The following SCEL variants were observed in gnomAD, a reference collection of about 807,000 sequenced individuals.
SCEL encodes sciellin.
SCEL carries 113 observed loss-of-function variants against 117.6 expected under a neutral mutation model. The ratio of observed to expected loss-of-function variants is 0.96; its 90% CI spans 0.83 to 1.12. The LOEUF (loss-of-function observed/expected upper bound fraction) is 1.12, where lower values mean the gene tolerates loss of function less well. SCEL is among the 50% of genes most tolerant of loss of function. The pLI is 0.00. For synonymous variants in SCEL, 270 were observed against 256.2 expected, an observed-to-expected ratio of 1.05 and a Z score of -0.51; for missense variants, 785 against 810.8, an observed-to-expected ratio of 0.97 and a Z score of 0.39.
chr13:77,546,450 G>A (rs893511364), intron 1 of SCEL, among the ~76,000 whole-genome samples: 2 of 152,156 alleles, frequency 1.3e-5, no homozygotes, highest in East Asian at 1.9e-4. Flanking sequence ...AATAGTACTG[G>A]CCTGGAAGGA....
chr13:77,567,695 T>A lies in SCEL; in HGVS notation c.306T>A (p.Asn102Lys). The A allele has an allele frequency of 6.2e-7, 1 of 1,608,168 alleles. No homozygotes were observed. The highest frequency in any genetic ancestry group is 8.5e-7 in the Non-Finnish European group (1 of 1,177,156). Residue 102 changes from asparagine to lysine, a missense_variant, in exon 6 of 33, where the codon AAT becomes AAA. Asn to Lys is a moderately conservative substitution (Grantham distance 94). Transcript: ENST00000349847. ...DDTLDRISDR[N>K]DAAKTYKANT... ...CTTTATAAAGGATCTCAGACAGAAA[T>A]GATGCTGCTAAAACATATAAGGCCA...
intron 3 of SCEL, among the ~76,000 whole-genome samples, chr13:77,558,316 C>G (rs914081930): frequency 8.5e-5 from 13 of 152,090 alleles, no homozygotes; most frequent in African/African-American, 3.1e-4. Context: ...CAGCCCAGTT[C>G]TGGGCTGTGT....
intron 2 of SCEL, 55 bp from the exon 3 acceptor site, chr13:77,556,541 C>A: frequency 6.9e-7 from 1 of 1,452,884 alleles, no homozygotes; most frequent in Non-Finnish European, 9.7e-7. Flanking sequence ...GTTAACAAGC[C>A]CACGCTCAAC....
At chr13:77,610,295 A>G (rs1213998943) in intron 22 of SCEL, among the ~76,000 whole-genome samples, 189 bp downstream of exon 22, 4 of 152,020 alleles carry the variant, frequency 2.6e-5, no homozygotes, top group Non-Finnish European at 5.9e-5. Flanking sequence ...TACTAAAAAT[A>G]CAAAAATTTA....
At chr13:77,582,429 T>A (rs571254536) in intron 9 of SCEL, among the ~76,000 whole-genome samples, 19 of 152,272 alleles carry the variant, frequency 1.2e-4, no homozygotes, top group African/African-American at 4.3e-4. Flanking sequence ...GGTTTCACCA[T>A]GTTGGTCAGG....
chr13:77,634,927 G>T (rs1371346534), intron 29 of SCEL, among the ~76,000 whole-genome samples: 1 of 152,100 alleles, frequency 6.6e-6, no homozygotes, highest in African/African-American at 2.4e-5. Context: ...TTGGAGTGAT[G>T]GATATTGAGG....
chr13:77,536,283 C>G (rs145853804), intron 1 of SCEL, among the ~76,000 whole-genome samples: 91 of 152,144 alleles, frequency 6.0e-4, no homozygotes, highest in African/African-American at 2.1e-3. Context: ...ATTTTTTTCT[C>G]TACTGCTAAA....
intron 27 of SCEL, among the ~76,000 whole-genome samples, chr13:77,620,106 G>A (rs180886425): frequency 6.9e-4 from 105 of 152,168 alleles, no homozygotes; most frequent in African/African-American, 2.5e-3. Context: ...TTAAGATGGC[G>A]GCTTGATTCA....
chr13:77,596,938 T>TG (rs2087271840), intron 12 of SCEL: 1 of 152,234 alleles, frequency 6.6e-6, no homozygotes, highest in Non-Finnish European at 1.5e-5. Flanking sequence ...GAAAAGGCTT[T>TG]GCAGTTGTCA....
At position 77,635,210 on chromosome 13, in the gene SCEL, A is replaced by C. The variant is rs995348635; in HGVS notation, c.1763+760A>C. Among the ~76,000 whole-genome samples, 82 of 152,208 alleles carry C rather than the reference A, an allele frequency of 5.4e-4. 3 individuals carry two copies. The highest frequency in any genetic ancestry group is 5.9e-5 in the Non-Finnish European group (4 of 68,026). On this transcript the variant is annotated intron_variant, in intron 29 of 32. Coordinates refer to ENST00000349847, the MANE Select transcript of SCEL (RefSeq NM_144777.3). ...CAAAAAAGGTTTCTCAAACCCATGC[A>C]TAATTTACCTTGTAAAATGCAACAT...
At chr13:77,572,025 A>T (rs1254746143) in intron 8 of SCEL, 99 bp from the exon 9 acceptor site, 2 of 962,652 alleles carry the variant, frequency 2.1e-6, no homozygotes, top group African/African-American at 3.2e-5. Flanking sequence ...AAGGTTTGGT[A>T]TAATCTCATT....
intron 19 of SCEL, among the ~76,000 whole-genome samples, chr13:77,606,101 T>A (rs911239608): frequency 6.6e-6 from 1 of 152,246 alleles, no homozygotes; most frequent in Non-Finnish European, 1.5e-5. Flanking sequence ...TTTTTGTGCA[T>A]GTGTGCATTC....
At chr13:77,558,619 G>A (rs954416856) in intron 3 of SCEL, among the ~76,000 whole-genome samples, 18 of 151,880 alleles carry the variant, frequency 1.2e-4, no homozygotes, top group African/African-American at 4.4e-4. Context: ...TTTGAGACCA[G>A]CCTGGCCAAC....
intron 1 of SCEL, among the ~76,000 whole-genome samples, chr13:77,545,217 G>A (rs953702727): frequency 6.6e-6 from 1 of 152,154 alleles, no homozygotes; most frequent in Non-Finnish European, 1.5e-5. Context: ...CATCTTTTTT[G>A]TGAGAAGCTA....
intron 1 of SCEL, among the ~76,000 whole-genome samples, chr13:77,551,441 T>G (rs1283258647): frequency 6.6e-6 from 1 of 152,202 alleles, no homozygotes; most frequent in East Asian, 1.9e-4. Context: ...CAGGCTGTTA[T>G]AACAAAATAC....
At chr13:77,599,189 T>C in intron 13 of SCEL, 140 bp from the exon 14 acceptor site, 1 of 629,202 alleles carries the variant, frequency 1.6e-6, no homozygotes, top group Non-Finnish European at 2.8e-6. Flanking sequence ...TCTATGAATA[T>C]ACCTATTTCA....
chr13:77,567,781 A>G, intron 6 of SCEL, 33 bp downstream of exon 6: 1 of 1,365,974 alleles, frequency 7.3e-7, no homozygotes, highest in Non-Finnish European at 1.0e-6. Context: ...GGAAAGGCTC[A>G]AGTATAATAT....
At chr13:77,547,541 T>C (rs1723866645) in intron 1 of SCEL, among the ~76,000 whole-genome samples, 1 of 152,178 alleles carries the variant, frequency 6.6e-6, no homozygotes, top group South Asian at 2.1e-4. Context: ...CCTCACTCTC[T>C]CATCCTCTGC....
chr13:77,630,813 A>G (rs1217243086), intron 28 of SCEL, among the ~76,000 whole-genome samples: 1 of 152,236 alleles, frequency 6.6e-6, no homozygotes, highest in Non-Finnish European at 1.5e-5. Flanking sequence ...GTGACCATTG[A>G]TTGGAAATTA....
Sources: allele counts gnomAD v4.1 joint callset (sites outside exome capture counted in the v4.1 genomes callset), GRCh38; gene constraint gnomAD v4.1.1; transcripts MANE v1.5; gene names NCBI Gene and HGNC (gene_info 2026-07-23, HGNC 2026-07-21).